CLEC1A: variants seen among roughly 807,000 people sequenced by gnomAD.
The protein encoded by CLEC1A is C-type lectin-like receptor-1.
CLEC1A carries 34 observed loss-of-function variants against 28.7 expected under a neutral mutation model. That is an observed-to-expected ratio of 1.18 (90% CI 0.90 to 1.57). CLEC1A has a LOEUF of 1.57. Among genes scored for constraint, CLEC1A ranks in the 40% most tolerant of loss-of-function variants. The pLI, the probability that CLEC1A is intolerant of heterozygous loss-of-function variation, is 0.00. For missense variants in CLEC1A, 385 were observed against 339.5 expected, an observed-to-expected ratio of 1.13 and a Z score of -1.05; for synonymous variants, 116 against 121.0, an observed-to-expected ratio of 0.96 and a Z score of 0.27.
In CLEC1A at chr12:10,075,643, C is replaced by T. The variant is rs1345334876; in HGVS notation, c.404G>A (p.Ser135Asn). 6.2e-7 allele frequency: 1 copy of T among 1,613,498 alleles called. No homozygotes were observed. Among genetic ancestry groups the T allele is most frequent in the Non-Finnish European group, 8.5e-7 (1 of 1,179,710 alleles). Residue 135 changes from serine to asparagine, a missense_variant, in exon 4 of 6, where the codon AGC becomes AAC. Ser to Asn is a conservative substitution (Grantham distance 46). Coordinates refer to ENST00000315330, the MANE Select transcript of CLEC1A (RefSeq NM_016511.4). ...CCATTTCCATTGTTCTGTACAAGGG[C>T]TGCACCTGTGTGCTTGGAAAAAAGC... ...LYNKAGAHRC[S>N]PCTEQWKWHG... is the part of the protein sequence containing the mutation.
chr12:10,078,315 G>A (rs1866297074), intron 3 of CLEC1A, among the ~76,000 whole-genome samples: 1 of 152,140 alleles, frequency 6.6e-6, no homozygotes, highest in African/African-American at 2.4e-5. Flanking sequence ...CCTCCTGTTA[G>A]TCTTCCACTC....
At chr12:10,088,034 A>G (rs1866536998) in intron 2 of CLEC1A, among the ~76,000 whole-genome samples, 1 of 152,144 alleles carries the variant, frequency 6.6e-6, no homozygotes, top group South Asian at 2.1e-4. Flanking sequence ...GAGTATTGAC[A>G]ATATACCATA....
intron 1 of CLEC1A, among the ~76,000 whole-genome samples, chr12:10,098,567 C>G (rs1372173689): frequency 6.6e-6 from 1 of 151,848 alleles, no homozygotes; most frequent in African/African-American, 2.4e-5. Flanking sequence ...TTCACTAGAA[C>G]TGAAGTCATA....
At chr12:10,073,250 T>C (rs759200935) in intron 5 of CLEC1A, 43 bp downstream of exon 5, 5 of 1,454,544 alleles carry the variant, frequency 3.4e-6, no homozygotes, top group South Asian at 2.3e-5. Flanking sequence ...AAGCAAAATA[T>C]CTTTGTTAAA....
chr12:10,079,592 G>A (rs891906310), intron 3 of CLEC1A, among the ~76,000 whole-genome samples: 56 of 151,914 alleles, frequency 3.7e-4, no homozygotes, highest in Non-Finnish European at 5.6e-4. Context: ...AGGCTGAGGC[G>A]GGCAGATCAC....
At chr12:10,086,547 C>A (rs1013717171) in intron 2 of CLEC1A, among the ~76,000 whole-genome samples, 3 of 151,880 alleles carry the variant, frequency 2.0e-5, no homozygotes, top group Admixed American at 6.6e-5. Flanking sequence ...CGAAAGATCA[C>A]AAAGTCCAGA....
intron 1 of CLEC1A, among the ~76,000 whole-genome samples, chr12:10,092,266 T>C (rs1036156331): frequency 5.9e-5 from 9 of 152,144 alleles, no homozygotes; most frequent in African/African-American, 2.2e-4. Flanking sequence ...CACTTTGGAA[T>C]CCTCCCAACT....
chr12:10,081,165 A>T, intron 3 of CLEC1A, 72 bp downstream of exon 3: 1 of 1,332,974 alleles, frequency 7.5e-7, no homozygotes, highest in Non-Finnish European at 1.0e-6. Flanking sequence ...CTTGACTCTC[A>T]CTTTCACCGG....
At chr12:10,071,639 G>T in intron 5 of CLEC1A, 126 bp from the exon 6 acceptor site, 1 of 725,290 alleles carries the variant, frequency 1.4e-6, no homozygotes, top group Non-Finnish European at 2.0e-6. Flanking sequence ...CGGGAAACTG[G>T]GGTCATGTGC....
intron 2 of CLEC1A, among the ~76,000 whole-genome samples, chr12:10,086,859 A>C (rs1866503877): frequency 6.6e-6 from 1 of 152,152 alleles, no homozygotes; most frequent in Non-Finnish European, 1.5e-5. Context: ...CAAAAAGAAA[A>C]CTACAGACCA....
rs1385478606 is a variant in CLEC1A, at chr12:10,081,260, C to T, written c.368G>A (p.Arg123His). 7 of 1,607,704 alleles carry T rather than the reference C, an allele frequency of 4.4e-6. No homozygotes were observed. The Admixed American group carries it at 5.0e-5, about 12-fold the overall frequency. The change falls in exon 3 of 6, where the codon CGT becomes CAT. Residue 123 changes from arginine (R) to histidine (H), a missense_variant. By Grantham distance (29) the Arg-to-His change is conservative. Coordinates refer to ENST00000315330, the MANE Select transcript of CLEC1A (RefSeq NM_016511.4). Reference protein sequence around the residue: ...SLQHVAEKLCRELYNKAGAHR... With the variant: ...SLQHVAEKLCHELYNKAGAHR... Reference sequence around the variant, plus strand: ...ACCTCCAGCTTTGTTATACAGCTCACGACAGAGTTTTTCAGCCACATGCTG... The same window carrying T: ...ACCTCCAGCTTTGTTATACAGCTCATGACAGAGTTTTTCAGCCACATGCTG...
rs759670845 is a variant in CLEC1A, at chr12:10,081,290, C to A, written c.338G>T (p.Ser113Ile). ...GAGTTTTTCAGCCACATGCTGCAGA[C>A]TTCCTGCAAGCTTTATATTCTGGAC... ...LQVQNIKLAG[S>I]LQHVAEKLCR... The change falls in exon 3 of 6, where the codon AGT becomes ATT. Residue 113 changes from serine (S) to isoleucine (I), a missense_variant. Coordinates refer to ENST00000315330, the MANE Select transcript of CLEC1A (RefSeq NM_016511.4). 4 of 1,612,678 alleles carry A rather than the reference C, an allele frequency of 2.5e-6. No homozygotes were observed. In the South Asian group the frequency reaches 4.4e-5, roughly 18 times the overall value.
chr12:10,074,906 T>C (rs1866218550), intron 4 of CLEC1A, among the ~76,000 whole-genome samples: 1 of 152,206 alleles, frequency 6.6e-6, no homozygotes, highest in African/African-American at 2.4e-5. Context: ...ACAACGGCCA[T>C]ACTATTTGAG....
At chr12:10,080,409 G>A (rs1425477509) in intron 3 of CLEC1A, among the ~76,000 whole-genome samples, 3 of 152,120 alleles carry the variant, frequency 2.0e-5, no homozygotes, top group African/African-American at 7.2e-5. Flanking sequence ...ACTTAGAGAA[G>A]TAAAACTGTG....
At chr12:10,085,648 T>A (rs1866477441) in intron 2 of CLEC1A, among the ~76,000 whole-genome samples, 2 of 151,206 alleles carry the variant, frequency 1.3e-5, no homozygotes, top group South Asian at 4.2e-4. Flanking sequence ...GCACTTAACA[T>A]TGGAGATCCC....
rs753671101 is a variant in CLEC1A at position 10,071,400 on chromosome 12, C to T, written c.776G>A (p.Arg259Lys). The T allele has an allele frequency of 2.5e-6, 4 of 1,614,020 alleles. No homozygotes were observed. Among genetic ancestry groups the T allele is most frequent in the East Asian group, 2.2e-5 (1 of 44,880 alleles). ...CTCTGGCTTCACCATTCCTGCCCTT[C>T]TCTCACAGACACAACGCTTCAATTC... is the stretch of plus-strand genomic sequence containing the variant. ...CKELKRCVCE[R>K]RAGMVKPESL... Residue 259 changes from arginine (R) to lysine (K), a missense_variant, in exon 6 of 6, where the codon AGA becomes AAA. By Grantham distance (26) the Arg-to-Lys change is conservative. Coordinates refer to ENST00000315330, the MANE Select transcript of CLEC1A (RefSeq NM_016511.4).
At chr12:10,080,869 T>A (rs527524850) in intron 3 of CLEC1A, among the ~76,000 whole-genome samples, 1 of 152,238 alleles carries the variant, frequency 6.6e-6, no homozygotes, top group African/African-American at 2.4e-5. Flanking sequence ...GTATGTTGTT[T>A]AAGATTTGAG....
At chr12:10,077,872 C>T (rs929966919) in intron 3 of CLEC1A, among the ~76,000 whole-genome samples, 1 of 152,040 alleles carries the variant, frequency 6.6e-6, no homozygotes, top group African/African-American at 2.4e-5. Flanking sequence ...CCTCATATAT[C>T]TAACTCCCCA....
chr12:10,095,781 CTTCCATTACTCTAATT>C (rs1335646479), intron 1 of CLEC1A, among the ~76,000 whole-genome samples: 2 of 151,956 alleles, frequency 1.3e-5, no homozygotes, highest in African/African-American at 4.8e-5. Flanking sequence ...ATTTATTGTC[CTTCCATTACTCTAATT>C]TTCCATTACT....
Sources: gnomAD v4.1 joint callset for allele counts (sites outside exome capture counted in the v4.1 genomes callset) on GRCh38, gnomAD v4.1.1 for gene constraint, MANE v1.5 for transcripts, NCBI Gene and HGNC (gene_info 2026-07-23, HGNC 2026-07-21) for gene names.